The following N4BP2L2 variants were observed in gnomAD, a reference collection of about 807,000 sequenced individuals.
N4BP2L2 encodes the protein NEDD4 binding protein 2 like 2.
Under a neutral mutation model 56.2 loss-of-function variants are expected in N4BP2L2, and 50 were observed. The observed-to-expected ratio is 0.89, with a 90% CI of 0.71 to 1.13. The LOEUF is 1.13. Ranked by LOEUF, N4BP2L2 falls within the 50% of genes most tolerant of loss-of-function variation. N4BP2L2 has a pLI of 0.00. For synonymous variants in N4BP2L2, 203 were observed against 223.6 expected (o/e 0.91, Z 0.82); for missense variants, 689 against 693.8 (o/e 0.99, Z 0.08).
chr13:32,436,358 T>TA, intron 9 of N4BP2L2: 1 of 1,224,246 alleles, frequency 8.2e-7, no homozygotes, highest in Non-Finnish European at 1.1e-6. Context: ...AAGTCATACT[T>TA]ACAGTTCAAG....
chr13:32,518,151 GACTT>G, intron 5 of N4BP2L2, 148 bp from the exon 6 acceptor site: 1 of 767,950 alleles, frequency 1.3e-6, no homozygotes, highest in East Asian at 2.9e-5. Flanking sequence ...TATGTAAAAA[GACTT>G]ATTAAAAACT....
intron 6 of N4BP2L2, among the ~76,000 whole-genome samples, chr13:32,447,311 A>G (rs2077186688): frequency 6.6e-6 from 1 of 152,184 alleles, no homozygotes; most frequent in African/African-American, 2.4e-5. Flanking sequence ...ATCTGCCCTC[A>G]TGTCAAGACT....
exon 6 of N4BP2L2, chr13:32,517,838 G>T: frequency 6.2e-7 from 1 of 1,613,828 alleles, no homozygotes; most frequent in Non-Finnish European, 8.5e-7. Flanking sequence ...GATTATGTGA[G>T]CCAAGAGAGC....
intron 2 of N4BP2L2, among the ~76,000 whole-genome samples, chr13:32,528,159 G>C (rs958655098): frequency 6.6e-6 from 1 of 152,094 alleles, no homozygotes; most frequent in Non-Finnish European, 1.5e-5. Context: ...TATTATCCAT[G>C]TTTTCACTTT....
At chr13:32,443,476 T>C (rs1406826598) in exon 7 of N4BP2L2, 2 of 1,613,282 alleles carry the variant, frequency 1.2e-6, no homozygotes, top group Admixed American at 3.3e-5. Flanking sequence ...TGTATACACT[T>C]GTTCCTCTCT....
At chr13:32,437,787 C>A (rs1179613502) in intron 8 of N4BP2L2, among the ~76,000 whole-genome samples, 4 of 152,170 alleles carry the variant, frequency 2.6e-5, no homozygotes, top group Admixed American at 2.6e-4. Context: ...ACAGTGGGCA[C>A]CTTAGTCATC....
chr13:32,460,278 C>T (rs544234339), intron 6 of N4BP2L2, among the ~76,000 whole-genome samples: 40 of 152,224 alleles, frequency 2.6e-4, no homozygotes, highest in African/African-American at 9.1e-4. Context: ...CACTCCTATT[C>T]AATACAGTAC....
chr13:32,459,503 A>G (rs2079610999), intron 6 of N4BP2L2, among the ~76,000 whole-genome samples: 1 of 152,166 alleles, frequency 6.6e-6, no homozygotes, highest in South Asian at 2.1e-4. Flanking sequence ...GAAAAACTAT[A>G]TGCTAACAAA....
At chr13:32,498,158 T>C (rs1268976797) in intron 6 of N4BP2L2, among the ~76,000 whole-genome samples, 1 of 152,098 alleles carries the variant, frequency 6.6e-6, no homozygotes, top group Non-Finnish European at 1.5e-5. Flanking sequence ...CTAATTTTTA[T>C]ATTTTTTGGT....
At chr13:32,519,575 G>C (rs2050216632) in intron 5 of N4BP2L2, among the ~76,000 whole-genome samples, 1 of 152,096 alleles carries the variant, frequency 6.6e-6, no homozygotes, top group Non-Finnish European at 1.5e-5. Context: ...GGAATCGCTT[G>C]AACCTGGGAG....
At chr13:32,452,346 C>T (rs1389130522) in intron 6 of N4BP2L2, among the ~76,000 whole-genome samples, 5 of 151,938 alleles carry the variant, frequency 3.3e-5, no homozygotes, top group Admixed American at 1.3e-4. Flanking sequence ...CAGGCGTGAG[C>T]CACTGCGCCC....
At chr13:32,512,238 C>T (rs2048297011) in exon 6 of N4BP2L2, 1 of 151,928 alleles carries the variant, frequency 6.6e-6, no homozygotes, top group African/African-American at 2.4e-5. Flanking sequence ...TCAATCTTCC[C>T]ATTAATTTAC....
chr13:32,444,870 C>G (rs2076800249), intron 6 of N4BP2L2, among the ~76,000 whole-genome samples: 1 of 152,150 alleles, frequency 6.6e-6, no homozygotes, highest in Non-Finnish European at 1.5e-5. Context: ...TAGCCTATTG[C>G]TCCTAGGCTG....
intron 8 of N4BP2L2, among the ~76,000 whole-genome samples, chr13:32,437,603 G>A (rs2075674588): frequency 6.6e-6 from 1 of 152,154 alleles, no homozygotes; most frequent in Admixed American, 6.5e-5. Context: ...CCTGGAAAAT[G>A]AACAGCCCTC....
chr13:32,519,506 A>G (rs909099633), intron 5 of N4BP2L2, among the ~76,000 whole-genome samples: 3 of 152,124 alleles, frequency 2.0e-5, no homozygotes, highest in African/African-American at 7.2e-5. Flanking sequence ...AAATACAAAA[A>G]ATAGCCAGGC....
At chr13:32,517,753 A>C in exon 6 of N4BP2L2, 2 of 1,600,166 alleles carry the variant, frequency 1.2e-6, no homozygotes, top group Non-Finnish European at 1.7e-6. Context: ...CAGGCTCACT[A>C]ACTCTTTTTC....
intron 6 of N4BP2L2, among the ~76,000 whole-genome samples, chr13:32,500,788 G>A (rs1048031418): frequency 5.3e-5 from 8 of 149,798 alleles, no homozygotes; most frequent in African/African-American, 9.8e-5. Flanking sequence ...TATAAATGTC[G>A]TCTTGTGCCT....
chr13:32,448,409 G>T (rs2077360988), intron 6 of N4BP2L2, among the ~76,000 whole-genome samples: 1 of 152,140 alleles, frequency 6.6e-6, no homozygotes, highest in Non-Finnish European at 1.5e-5. Context: ...GTTAGTCATG[G>T]AGAGGAAATC....
chr13:32,498,686 T>C (rs1157894648), intron 6 of N4BP2L2, among the ~76,000 whole-genome samples: 1 of 151,892 alleles, frequency 6.6e-6, no homozygotes, highest in Non-Finnish European at 1.5e-5. Flanking sequence ...TATCAGACTA[T>C]GATGGACTGG....
Sources: gnomAD v4.1 joint callset for allele counts (sites outside exome capture counted in the v4.1 genomes callset) on GRCh38, gnomAD v4.1.1 for gene constraint, MANE v1.5 for transcripts, NCBI Gene and HGNC (gene_info 2026-07-23, HGNC 2026-07-21) for gene names.